The following SAG variants were observed in gnomAD, a reference collection of about 807,000 sequenced individuals.
SAG encodes the protein S-antigen visual arrestin, also known as S-arrestin.
A neutral mutation model predicts 55.0 loss-of-function variants in SAG; 45 were observed. The ratio of observed to expected loss-of-function variants is 0.82; its 90% CI spans 0.64 to 1.05. SAG has a LOEUF of 1.05. Among genes scored for constraint, SAG ranks in the 50% least tolerant of loss-of-function variants. The pLI is 0.00. For synonymous variants in SAG, 189 were observed against 197.4 expected, an observed-to-expected ratio of 0.96 and a Z score of 0.36; for missense variants, 455 against 512.1, an observed-to-expected ratio of 0.89 and a Z score of 1.08.
chr2:233,336,971 C>T (rs1332586768), intron 11 of SAG, among the ~76,000 whole-genome samples: 2 of 152,124 alleles, frequency 1.3e-5, no homozygotes, highest in Non-Finnish European at 2.9e-5. Flanking sequence ...TGGCACGTGC[C>T]TGTAGTCCCA....
At chr2:233,327,708 A>T (rs1182812287) in intron 7 of SAG, 4 of 145,822 alleles carry the variant, frequency 2.7e-5, no homozygotes, top group Admixed American at 6.7e-5. Context: ...ACGCCTGGCT[A>T]ATTTTTTTTT....
At chr2:233,344,679 C>A (rs953865107) in intron 14 of SAG, 2 of 152,158 alleles carry the variant, frequency 1.3e-5, no homozygotes, top group Admixed American at 1.3e-4. Flanking sequence ...GATGAGATTT[C>A]TAGAGATAAA....
chr2:233,331,770 C>G (rs1700773901), intron 10 of SAG, 58 bp downstream of exon 10: 2 of 1,270,240 alleles, frequency 1.6e-6, no homozygotes, highest in Non-Finnish European at 2.3e-6. Flanking sequence ...TGTCAAGTTT[C>G]TCGCCGTTTA....
In SAG at chr2:233,331,566, C is replaced by A. The variant is rs146850315; in HGVS notation, c.734-74C>A. 9.6e-6 allele frequency: 9 copies of A among 937,438 alleles called. No homozygotes were observed. In the Admixed American group the frequency reaches 1.6e-4, roughly 17 times the overall value. 58.1% of individuals were successfully genotyped at this position (937,438 alleles called of 1,614,324 possible). A position where few individuals can be genotyped will look rare whatever the true frequency, so the allele number is the denominator to read the frequency against. On this transcript the variant is annotated intron_variant, in intron 9 of 15. Transcript: ENST00000409110. ...CAGAGAGGAGAGACCAGCGTGTACC[C>A]TGGGAGGCCGCAGGGAAAGTGCACG... is the stretch of plus-strand genomic sequence containing the variant.
intron 11 of SAG, among the ~76,000 whole-genome samples, chr2:233,336,649 G>T (rs1472112836): frequency 6.6e-6 from 1 of 152,174 alleles, no homozygotes; most frequent in Non-Finnish European, 1.5e-5. Flanking sequence ...CTTATCCAAG[G>T]TCACTGAATC....
rs998555264 is a variant in SAG, at chr2:233,340,683, T to C, written c.1046+205T>C. Among the ~76,000 whole-genome samples, 29 of 152,158 alleles carry C rather than the reference T, an allele frequency of 1.9e-4. No homozygotes were observed. The highest frequency in any genetic ancestry group is 6.8e-4 in the African/African-American group (28 of 41,418). On this transcript the variant is annotated intron_variant, in intron 13 of 15. Transcript: ENST00000409110. The surrounding 1 kb of genome is among the most constrained non-coding windows in gnomAD (Gnocchi z 4.2). ...GACCAGATTTCTTTGGGACCACAGC[T>C]AGACCTATGCCTGGGTAAGGACACA...
intron 2 of SAG, among the ~76,000 whole-genome samples, chr2:233,315,366 C>T (rs1272954563): frequency 1.4e-5 from 2 of 138,378 alleles, no homozygotes; most frequent in African/African-American, 2.6e-5. Flanking sequence ...GATCTCTGCT[C>T]ACTGCAACCT....
intron 6 of SAG, among the ~76,000 whole-genome samples, chr2:233,325,925 A>G (rs1297410889): frequency 6.6e-6 from 1 of 152,194 alleles, no homozygotes. Context: ...GGAAGGATGC[A>G]TATTTATTTT....
At chr2:233,318,338 T>G (rs1574931845) in intron 3 of SAG, among the ~76,000 whole-genome samples, 1 of 151,962 alleles carries the variant, frequency 6.6e-6, no homozygotes, top group African/African-American at 2.4e-5. Flanking sequence ...CTAATTTTTT[T>G]TTTTTGTTTT....
intron 2 of SAG, among the ~76,000 whole-genome samples, chr2:233,310,190 C>T (rs934738495): frequency 2.9e-4 from 44 of 152,332 alleles, no homozygotes; most frequent in African/African-American, 1.0e-3. Flanking sequence ...CACTCGAAAG[C>T]TTCTTGTGGG....
Position 233,331,717 on chromosome 2 carries a change from G to A in SAG, c.806+5G>A, listed in dbSNP as rs1378807861. 2.5e-6 allele frequency: 4 copies of A among 1,609,790 alleles called. No individual in the cohort carries two copies. The highest frequency in any genetic ancestry group is 2.2e-5 in the South Asian group (2 of 90,822). On this transcript the variant is annotated splice_donor_5th_base_variant and intron_variant, in intron 10 of 15. Transcript: ENST00000409110. The stretch of plus-strand genomic sequence containing the variant: ...CGTGGCTATGGAGGAAGCGCAGTGA[G>A]TAGCTGTTGGGGTTTCCGTTTCCTG...
chr2:233,331,684 G>C lies in SAG; in HGVS notation c.778G>C (p.Val260Leu). ...GGTTCTCTACTCGAGTGATTATTACGTCAAGCCCGTGGCTATGGAGGAAGC... is the reference window on the plus strand; with the variant it reads ...GGTTCTCTACTCGAGTGATTATTACCTCAAGCCCGTGGCTATGGAGGAAGC... Reference protein sequence around the residue: ...NVVLYSSDYYVKPVAMEEAQE... With the variant: ...NVVLYSSDYYLKPVAMEEAQE... Residue 260 changes from valine (V) to leucine (L), a missense_variant, in exon 10 of 16, where the codon GTC becomes CTC. Val to Leu is a conservative substitution (Grantham distance 32). Transcript: ENST00000409110. The C allele has an allele frequency of 1.9e-6, 3 of 1,613,724 alleles. No individual in the cohort carries two copies. The highest frequency in any genetic ancestry group is 2.2e-5 in the South Asian group (2 of 91,056).
intron 6 of SAG, among the ~76,000 whole-genome samples, chr2:233,325,866 C>T (rs1269710859): frequency 6.6e-6 from 1 of 151,936 alleles, no homozygotes; most frequent in Admixed American, 6.6e-5. Context: ...CCCAGGTGGG[C>T]GAGCAGAACA....
chr2:233,321,930 G>A (rs1700391187), intron 5 of SAG, among the ~76,000 whole-genome samples: 1 of 150,986 alleles, frequency 6.6e-6, no homozygotes, highest in African/African-American at 2.4e-5. Context: ...CTTCTCCGAG[G>A]TCAGGAGATT....
In SAG at chr2:233,346,861, T is replaced by C. The variant is rs199798289; in HGVS notation, c.1167T>C (p.Asp389=). 1.6e-5 allele frequency: 26 copies of C among 1,613,080 alleles called. No homozygotes were observed. The highest frequency in any genetic ancestry group is 2.0e-5 in the Non-Finnish European group (24 of 1,179,442). The change falls in exon 16 of 16, where the codon GAT becomes GAC. Residue 389 remains aspartate (D), a synonymous_variant. Transcript: ENST00000409110. The stretch of plus-strand genomic sequence containing the variant: ...AGTTTGCTCGCCATAATCTGAAAGA[T>C]GCAGGAGAAGCTGAGGAGGGGAAGA... ...FEEFARHNLK[D]AGEAEEGKRD...
At chr2:233,335,809 C>T (rs371622636) in intron 11 of SAG, among the ~76,000 whole-genome samples, 85 of 152,360 alleles carry the variant, frequency 5.6e-4, no homozygotes, top group Middle Eastern at 3.4e-3. Flanking sequence ...CTTCCCTTCC[C>T]GGGAGCATGT....
rs763602313 is a variant in SAG, at chr2:233,320,689, T to C, written c.241T>C (p.Leu81=). The change falls in exon 5 of 16, where the codon TTG becomes CTG. Residue 81 remains leucine, a synonymous_variant. Coordinates refer to ENST00000409110, the MANE Select transcript of SAG (RefSeq NM_000541.5). ...YGQEDIDVIG[L]TFRRDLYFSR... is the part of the protein sequence containing the mutation. ...CCAAGAGGACATTGACGTGATCGGC[T>C]TGACCTTCCGCAGGGACCTGTACTT... is the stretch of plus-strand genomic sequence containing the variant. 1.9e-6 allele frequency: 3 copies of C among 1,606,554 alleles called. No individual in the cohort carries two copies. The East Asian group carries it at 6.7e-5, about 36-fold the overall frequency.
At chr2:233,323,688 T>C (rs1449200421) in intron 6 of SAG, among the ~76,000 whole-genome samples, 1 of 152,192 alleles carries the variant, frequency 6.6e-6, no homozygotes, top group Non-Finnish European at 1.5e-5. Context: ...GATAGCTTTT[T>C]TTCATGGAAA....
intron 2 of SAG, among the ~76,000 whole-genome samples, chr2:233,312,927 C>T (rs1700116579): frequency 1.3e-5 from 2 of 152,240 alleles, no homozygotes; most frequent in South Asian, 4.1e-4. Flanking sequence ...TGCTGGGCTC[C>T]CAACCAAAGA....
Sources: gnomAD v4.1 joint callset for allele counts (sites outside exome capture counted in the v4.1 genomes callset) on GRCh38, gnomAD v4.1.1 for gene constraint, Gnocchi (gnomAD v3.1) non-coding constraint, MANE v1.5 for transcripts, NCBI Gene and HGNC (gene_info 2026-07-23, HGNC 2026-07-21) for gene names.